Variants in MTHFD1L observed in about 807,000 individuals in gnomAD.
MTHFD1L encodes the protein methylenetetrahydrofolate dehydrogenase (NADP+ dependent) 1 like.
A neutral mutation model predicts 119.5 loss-of-function variants in MTHFD1L; 81 were observed. The observed-to-expected ratio is 0.68, with a 90% CI of 0.57 to 0.82. The LOEUF (loss-of-function observed/expected upper bound fraction) is 0.82. Ranked by LOEUF, MTHFD1L falls within the 40% of genes least tolerant of loss-of-function variation. The probability of loss-of-function intolerance (pLI) is 0.00; values close to 1 mark genes in which losing one functional copy is unlikely to be tolerated. For missense variants in MTHFD1L, 1,125 were observed against 1,253.4 expected (o/e 0.90, Z 1.55); for synonymous variants, 430 against 475.2 (o/e 0.90, Z 1.24).
At chr6:151,069,306 C>T (rs1007666890) in intron 26 of MTHFD1L, among the ~76,000 whole-genome samples, 1 of 148,304 alleles carries the variant, frequency 6.7e-6, no homozygotes, top group Non-Finnish European at 1.5e-5. Flanking sequence ...TCATAGGGAC[C>T]TCCCTAATCC....
chr6:151,005,363 T>C (rs1227112602), intron 20 of MTHFD1L, among the ~76,000 whole-genome samples: 2 of 152,130 alleles, frequency 1.3e-5, no homozygotes, highest in Non-Finnish European at 2.9e-5. Flanking sequence ...CTTGGCAGCC[T>C]GATATTTGAA....
At chr6:150,987,537 A>G (rs935697825) in intron 20 of MTHFD1L, among the ~76,000 whole-genome samples, 14 of 152,344 alleles carry the variant, frequency 9.2e-5, no homozygotes, top group Admixed American at 2.0e-4. Context: ...AGTTTACCAG[A>G]ATTACCCCCA....
intron 7 of MTHFD1L, chr6:150,899,056 A>T (rs1703409892): frequency 1.1e-6 from 1 of 903,148 alleles, no homozygotes; most frequent in South Asian, 4.8e-5. Context: ...TGTGAAGCTT[A>T]CTTCCAGAGG....
intron 10 of MTHFD1L, among the ~76,000 whole-genome samples, chr6:150,925,848 G>A (rs12199747): frequency 0.087 from 13,193 of 152,086 alleles, 786 homozygotes; most frequent in African/African-American, 0.17. Flanking sequence ...ATTATAATAT[G>A]CTGTTCTTGT....
At chr6:150,870,775 G>A (rs535518466) in intron 1 of MTHFD1L, among the ~76,000 whole-genome samples, 33 of 151,708 alleles carry the variant, frequency 2.2e-4, no homozygotes, top group Non-Finnish European at 3.4e-4. Context: ...GCCAGGCATG[G>A]TGGTGTGCGC....
chr6:150,920,155 C>T lies in MTHFD1L; in HGVS notation c.984+1487C>T, dbSNP rs142364006. Among the ~76,000 whole-genome samples the T allele has an allele frequency of 2.6e-5, 4 of 152,282 alleles. No individual in the cohort carries two copies. The East Asian group carries it at 7.7e-4, about 29-fold the overall frequency. ...GAGTCTGCAGTGTGGATGACCTGGGCTCTAACCTCATGTGCCGCCACTTCC... is the reference window on the plus strand; with the variant it reads ...GAGTCTGCAGTGTGGATGACCTGGGTTCTAACCTCATGTGCCGCCACTTCC... On this transcript the variant is annotated intron_variant, in intron 9 of 27. Coordinates refer to ENST00000367321, the MANE Select transcript of MTHFD1L (RefSeq NM_015440.5).
At chr6:150,935,542 G>T (rs1052920462) in intron 11 of MTHFD1L, 273 of 1,537,404 alleles carry the variant, frequency 1.8e-4, no homozygotes, top group Middle Eastern at 1.2e-3. Flanking sequence ...GAAAAATTTT[G>T]CGGCAACAGA....
At chr6:150,940,035 T>C (rs1480913687) in intron 13 of MTHFD1L, among the ~76,000 whole-genome samples, 1 of 152,148 alleles carries the variant, frequency 6.6e-6, no homozygotes, top group African/African-American at 2.4e-5. Context: ...TTCCCATGCC[T>C]GGAACATTCT....
At chr6:150,880,135 G>A (rs1188263944) in intron 4 of MTHFD1L, among the ~76,000 whole-genome samples, 3 of 152,084 alleles carry the variant, frequency 2.0e-5, no homozygotes, top group Admixed American at 2.0e-4. Flanking sequence ...TAGCTGTCTG[G>A]AAATATACAA....
At chr6:151,005,972 T>C (rs1377950259) in intron 20 of MTHFD1L, among the ~76,000 whole-genome samples, 2 of 152,154 alleles carry the variant, frequency 1.3e-5, no homozygotes, top group Non-Finnish European at 2.9e-5. Context: ...CTATTTTATG[T>C]GTCTATTTCC....
In MTHFD1L at chr6:150,954,746, G is replaced by A. The variant is rs182715997; in HGVS notation, c.1727-1249G>A. On this transcript the variant is annotated intron_variant, in intron 16 of 27. Coordinates refer to ENST00000367321, the MANE Select transcript of MTHFD1L (RefSeq NM_015440.5). ...CAGAGACACAATCATGGTCATTGCAGCCTCAACCCCCAAGACTCAAGCAAT... is the reference window on the plus strand; with the variant it reads ...CAGAGACACAATCATGGTCATTGCAACCTCAACCCCCAAGACTCAAGCAAT... Among the ~76,000 whole-genome samples, 686 of 151,508 alleles carry A rather than the reference G, an allele frequency of 4.5e-3. 18 individuals carry two copies. The highest frequency in any genetic ancestry group is 1.9e-3 in the Non-Finnish European group (132 of 67,920).
Position 150,922,301 on chromosome 6 carries a change from A to C in MTHFD1L, c.1081A>C (p.Ser361Arg). 6.2e-7 allele frequency: 1 copy of C among 1,613,356 alleles called. No individual in the cohort carries two copies. Among genetic ancestry groups the C allele is most frequent in the Non-Finnish European group, 8.5e-7 (1 of 1,179,334 alleles). The change falls in exon 10 of 28, where the codon AGT becomes CGT. Residue 361 changes from serine (S) to arginine (R), a missense_variant and splice_region_variant. By Grantham distance (110) the Ser-to-Arg change is moderately radical. This residue lies in a region of MTHFD1L where 1,058 missense variants were observed against 1,151.2 expected (regional missense o/e 0.92). Coordinates refer to ENST00000367321, the MANE Select transcript of MTHFD1L (RefSeq NM_015440.5). The part of the protein sequence containing the change: ...LKLQPLSPVP[S>R]DIEISRGQTP... ...ACTTCAGCCTCTCTCCCCTGTGCCA[A>C]GGTAACACTGGTGTTTTATTTACAC...
intron 20 of MTHFD1L, among the ~76,000 whole-genome samples, chr6:150,991,297 G>C (rs1397507007): frequency 2.0e-5 from 3 of 151,948 alleles, no homozygotes; most frequent in African/African-American, 7.3e-5. Context: ...TCCTATCAAG[G>C]CTAGTAAAAA....
chr6:150,871,843 T>A (rs116675505), intron 1 of MTHFD1L, among the ~76,000 whole-genome samples: 1,833 of 150,882 alleles, frequency 0.012, 37 homozygotes, highest in African/African-American at 0.042. Flanking sequence ...CATTTTATTT[T>A]ATTTTAATTT....
chr6:151,032,312 A>G (rs1045202258), intron 24 of MTHFD1L, among the ~76,000 whole-genome samples: 1 of 152,120 alleles, frequency 6.6e-6, no homozygotes, highest in Admixed American at 6.6e-5. Context: ...GGAAGCTTCC[A>G]CTCAGGGCAG....
chr6:150,890,996 G>T, intron 7 of MTHFD1L, among the ~76,000 whole-genome samples: 1 of 152,066 alleles, frequency 6.6e-6, no homozygotes, highest in East Asian at 1.9e-4. Flanking sequence ...TTGTTTGTTT[G>T]TTTTTTTGAG....
intron 20 of MTHFD1L, among the ~76,000 whole-genome samples, chr6:150,999,028 A>G (rs1780237426): frequency 6.9e-6 from 1 of 145,978 alleles, no homozygotes. Flanking sequence ...AGTTTAGGCT[A>G]TGTCTATAAG....
In MTHFD1L at chr6:150,957,103, C is replaced by T. The variant is rs114660483; in HGVS notation, c.1803+1032C>T. Reference sequence around the variant, plus strand: ...CTTTTCATGTTCTTAGCCTCTCCTGCTAAAGTGGGAGCTTTATAAAAGCAG... The same window carrying T: ...CTTTTCATGTTCTTAGCCTCTCCTGTTAAAGTGGGAGCTTTATAAAAGCAG... On this transcript the variant is annotated intron_variant, in intron 17 of 27. Coordinates refer to ENST00000367321, the MANE Select transcript of MTHFD1L (RefSeq NM_015440.5). 3.8e-3 allele frequency among the ~76,000 whole-genome samples: 573 copies of T among 152,340 alleles called. 8 individuals are homozygous for T. Among genetic ancestry groups the T allele is most frequent in the African/African-American group, 0.013 (521 of 41,578 alleles).
At position 150,980,883 on chromosome 6, in the gene MTHFD1L, A is replaced by G. The variant is rs76084796; in HGVS notation, c.2125+8825A>G. ...GTGTGTTTCTACTTTGACCACACAC[A>G]TATATGTACACTAGAGATCTGTAGC... On this transcript the variant is annotated intron_variant, in intron 20 of 27. Coordinates refer to ENST00000367321, the MANE Select transcript of MTHFD1L (RefSeq NM_015440.5). Among the ~76,000 whole-genome samples the G allele has an allele frequency of 7.1e-3, 1,082 of 152,228 alleles. 13 individuals carry two copies. Among genetic ancestry groups the G allele is most frequent in the African/African-American group, 0.024 (1,015 of 41,538 alleles).
Sources: allele counts gnomAD v4.1 joint callset (sites outside exome capture counted in the v4.1 genomes callset), GRCh38; gene constraint gnomAD v4.1.1; regional missense constraint gnomAD v4.1.1; transcripts MANE v1.5; gene names NCBI Gene and HGNC (gene_info 2026-07-23, HGNC 2026-07-21).